Variants in SLC2A9 observed in about 807,000 individuals in gnomAD.
The protein encoded by SLC2A9 is solute carrier family 2 member 9.
A neutral mutation model predicts 50.6 loss-of-function variants in SLC2A9; 39 were observed. The ratio of observed to expected loss-of-function variants is 0.77; its 90% confidence interval spans 0.60 to 1.01. The LOEUF is 1.01. SLC2A9 is among the 50% of genes least tolerant of loss of function. The probability of loss-of-function intolerance (pLI) is 0.00; values close to 1 mark genes in which losing one functional copy is unlikely to be tolerated. For synonymous variants in SLC2A9, 324 were observed against 276.9 expected (o/e 1.17, Z -1.69); for missense variants, 686 against 677.6 (o/e 1.01, Z -0.14).
chr4:9,941,484 T>G (rs796389970), intron 6 of SLC2A9, among the ~76,000 whole-genome samples: 32 of 152,308 alleles, frequency 2.1e-4, no homozygotes, highest in African/African-American at 7.5e-4. Flanking sequence ...CTTGCATCTT[T>G]TCCTCTCCTG....
intron 2 of SLC2A9, among the ~76,000 whole-genome samples, chr4:10,012,555 G>T (rs1761935622): frequency 5.9e-5 from 9 of 152,204 alleles, no homozygotes; most frequent in Admixed American, 5.9e-4. Flanking sequence ...AATACCATGA[G>T]GAGAAATAAA....
chr4:10,003,926 T>C (rs753111704), intron 2 of SLC2A9, among the ~76,000 whole-genome samples: 3 of 152,196 alleles, frequency 2.0e-5, no homozygotes, highest in Non-Finnish European at 4.4e-5. Context: ...AGGGTACTAT[T>C]TGTTACCTCT....
intron 10 of SLC2A9, among the ~76,000 whole-genome samples, chr4:9,840,208 A>T (rs1727822688): frequency 6.6e-6 from 1 of 152,152 alleles, no homozygotes; most frequent in South Asian, 2.1e-4. Context: ...CTAAGATACT[A>T]ACAAAACTTA....
intron 5 of SLC2A9, among the ~76,000 whole-genome samples, chr4:9,953,211 CT>C (rs1422065140): frequency 1.4e-5 from 2 of 145,652 alleles, no homozygotes; most frequent in Non-Finnish European, 3.1e-5. Context: ...CAAATACCCA[CT>C]GAACCCGCTA....
At chr4:9,962,898 T>A (rs1004494453) in intron 5 of SLC2A9, among the ~76,000 whole-genome samples, 2 of 152,260 alleles carry the variant, frequency 1.3e-5, no homozygotes, top group Non-Finnish European at 1.5e-5. Flanking sequence ...CCTCTTGTTC[T>A]TTTTTTGTTT....
chr4:9,789,893 G>C (rs1278669703), intron 3 of SLC2A9, among the ~76,000 whole-genome samples: 1 of 152,146 alleles, frequency 6.6e-6, no homozygotes, highest in Non-Finnish European at 1.5e-5. Context: ...AACTCTTAGT[G>C]AACTGAGAGT....
intron 2 of SLC2A9, among the ~76,000 whole-genome samples, chr4:10,010,261 A>G (rs1360186359): frequency 6.6e-6 from 1 of 152,214 alleles, no homozygotes; most frequent in African/African-American, 2.4e-5. Context: ...ACTCTGTGGG[A>G]GGAGAGAGAA....
intron 10 of SLC2A9, among the ~76,000 whole-genome samples, chr4:9,835,590 TCAA>T (rs999930668): frequency 2.0e-5 from 3 of 152,370 alleles, no homozygotes; most frequent in Non-Finnish European, 4.4e-5. Context: ...ATTCATTGTG[TCAA>T]CATCCAACAA....
intron 5 of SLC2A9, among the ~76,000 whole-genome samples, chr4:9,953,475 T>C (rs1750671123): frequency 6.6e-6 from 1 of 152,260 alleles, no homozygotes; most frequent in Non-Finnish European, 1.5e-5. Flanking sequence ...TTGGTCATTT[T>C]GGACCTCAAA....
intron 10 of SLC2A9, among the ~76,000 whole-genome samples, chr4:9,836,995 T>C (rs1727217527): frequency 1.3e-5 from 2 of 152,108 alleles, no homozygotes; most frequent in Non-Finnish European, 2.9e-5. Context: ...CCAACTCAAG[T>C]CTGAATCTCT....
At chr4:9,822,582 C>T (rs886137434), downstream of SLC2A9, among the ~76,000 whole-genome samples, 2 of 152,126 alleles carry the variant, frequency 1.3e-5, no homozygotes, top group African/African-American at 4.8e-5. Context: ...ATTATGTTTA[C>T]AGTGGGCTTC....
intron 6 of SLC2A9, among the ~76,000 whole-genome samples, chr4:9,941,025 G>A (rs1258822746): frequency 6.6e-6 from 1 of 152,202 alleles, no homozygotes; most frequent in Non-Finnish European, 1.5e-5. Flanking sequence ...ACAGATGAGG[G>A]TTCTGGGGCT....
At chr4:9,847,275 A>G (rs11721988) in intron 10 of SLC2A9, among the ~76,000 whole-genome samples, 32,293 of 152,208 alleles carry the variant, frequency 0.21, 3,555 homozygotes, top group Admixed American at 0.28. Flanking sequence ...AAGGGGAAGC[A>G]AGTATATCTT....
chr4:10,024,828 G>A (rs955909663), upstream of SLC2A9, among the ~76,000 whole-genome samples: 3 of 152,198 alleles, frequency 2.0e-5, no homozygotes, highest in African/African-American at 4.8e-5. Flanking sequence ...GGAAAAGAAG[G>A]GGGGTTTTCT....
intron 10 of SLC2A9, 79 bp from the exon 11 acceptor site, chr4:9,835,087 C>G (rs911217940): frequency 6.2e-7 from 1 of 1,602,098 alleles, no homozygotes; most frequent in Non-Finnish European, 8.5e-7. Flanking sequence ...ATCTGCCACA[C>G]TTTAGAACCC....
chr4:9,837,808 GC>G (rs1259558154), intron 10 of SLC2A9, among the ~76,000 whole-genome samples: 1 of 152,176 alleles, frequency 6.6e-6, no homozygotes, highest in African/African-American at 2.4e-5. Flanking sequence ...ACCATGAGGA[GC>G]CTGCACAGCT....
At chr4:9,961,691 T>C (rs187550263) in intron 5 of SLC2A9, among the ~76,000 whole-genome samples, 106 of 151,796 alleles carry the variant, frequency 7.0e-4, no homozygotes, top group South Asian at 1.0e-3. Flanking sequence ...AAAGCAAAAA[T>C]TGACAAATGG....
chr4:9,873,820 G>A (rs964920310), intron 10 of SLC2A9, among the ~76,000 whole-genome samples: 2 of 152,192 alleles, frequency 1.3e-5, no homozygotes, highest in Admixed American at 6.5e-5. Context: ...GAGGCTTGGC[G>A]GTTATTTGTT....
At chr4:9,773,814 G>A (rs865863315) in intron 1 of SLC2A9, among the ~76,000 whole-genome samples, 5 of 152,094 alleles carry the variant, frequency 3.3e-5, no homozygotes, top group African/African-American at 1.2e-4. Context: ...GGGTAAGAGA[G>A]GACACCCACT....
Sources: gnomAD v4.1 joint callset for allele counts (sites outside exome capture counted in the v4.1 genomes callset) on GRCh38, gnomAD v4.1.1 for gene constraint, MANE v1.5 for transcripts, NCBI Gene and HGNC (gene_info 2026-07-23, HGNC 2026-07-21) for gene names.